SYTL5: variants seen among roughly 807,000 people sequenced by gnomAD.
SYTL5 encodes synaptotagmin-like protein 5.
In SYTL5, 34 loss-of-function variants were observed where a neutral mutation model predicts 55.9. That is an observed-to-expected ratio of 0.61 (90% confidence interval 0.46 to 0.81). The LOEUF is 0.81. Ranked by LOEUF, SYTL5 falls within the 30% of genes least tolerant of loss-of-function variation. The pLI, the probability that SYTL5 is intolerant of heterozygous loss-of-function variation, is 0.00. For missense variants in SYTL5, 637 were observed against 546.7 expected (o/e 1.17, Z -1.65); for synonymous variants, 221 against 188.7 (o/e 1.17, Z -1.40).
At chrX:38,051,064 A>T (rs1489566200) in intron 2 of SYTL5, among the ~76,000 whole-genome samples, 2 of 111,723 alleles carry the variant, frequency 1.8e-5, no homozygotes, top group African/African-American at 6.5e-5. Flanking sequence ...GGGTGATGGA[A>T]TGTGGAGGGA....
chrX:38,054,966 C>G (rs1044788138), intron 3 of SYTL5, among the ~76,000 whole-genome samples: 3 of 111,194 alleles, frequency 2.7e-5, no homozygotes, highest in African/African-American at 9.8e-5. Context: ...ATCCTCCAGC[C>G]TTGGCCTCCC....
Position 38,125,446 on chromosome X carries a change from G to T in SYTL5, c.1990G>T (p.Asp664Tyr). 1 of 1,211,483 alleles carries T rather than the reference G, an allele frequency of 8.3e-7. No individual in the cohort carries two copies. The highest frequency in any genetic ancestry group is 1.1e-6 in the Non-Finnish European group (1 of 895,280). The change falls in exon 16 of 17, where the codon GAC (aspartate) becomes TAC (tyrosine). Residue 664 changes from aspartate to tyrosine, a missense_variant. Transcript: ENST00000297875. ...TGTTTGCCTAGAACTTACTATCTGG[G>T]ACAAGGAGGCCTTTTCCAGCAACAT... ...KNVCLELTIW[D>Y]KEAFSSNIFL...
At chrX:37,904,733 C>T in the SYTL5 span, among the ~76,000 whole-genome samples, 2 of 110,943 alleles carry the variant, frequency 1.8e-5, no homozygotes, top group Non-Finnish European at 3.8e-5. Flanking sequence ...CAACAAAGGG[C>T]GAGTGTTAGG....
chrX:37,938,739 G>T, the SYTL5 span, among the ~76,000 whole-genome samples: 1 of 111,190 alleles, frequency 9.0e-6, no homozygotes, highest in Admixed American at 9.6e-5. Context: ...GCTTTAGACT[G>T]AGCACAACCC....
intron 6 of SYTL5, among the ~76,000 whole-genome samples, chrX:38,079,187 C>G (rs1175572162): frequency 6.3e-5 from 7 of 111,986 alleles, no homozygotes; most frequent in Non-Finnish European, 1.3e-4. Context: ...CCTGACCCAG[C>G]TTACTAATAT....
At chrX:38,072,904 G>A (rs1936302825) in intron 4 of SYTL5, among the ~76,000 whole-genome samples, 1 of 112,020 alleles carries the variant, frequency 8.9e-6, no homozygotes, top group African/African-American at 3.3e-5. Context: ...CTTTCAGCCT[G>A]TTTCTAGGCT....
At chrX:38,057,855 G>GT (rs1935836457) in intron 3 of SYTL5, among the ~76,000 whole-genome samples, 1 of 111,019 alleles carries the variant, frequency 9.0e-6, no homozygotes, top group African/African-American at 3.3e-5. Context: ...AGCTATGTTG[G>GT]TTACCTATAT....
At chrX:37,983,304 A>G in the SYTL5 span, among the ~76,000 whole-genome samples, 63 of 112,312 alleles carry the variant, frequency 5.6e-4, no homozygotes, top group African/African-American at 1.9e-3. Flanking sequence ...CTTTAGATTC[A>G]AAGACAAAAA....
intron 2 of SYTL5, among the ~76,000 whole-genome samples, chrX:38,053,338 ACATTTATCATCT>A (rs1237653406): frequency 1.8e-5 from 2 of 112,873 alleles, no homozygotes; most frequent in African/African-American, 3.2e-5. Flanking sequence ...TGGGAACTTT[ACATTTATCATCT>A]CATTTAATCT....
the SYTL5 span, among the ~76,000 whole-genome samples, chrX:37,973,664 C>T: frequency 2.7e-5 from 3 of 109,782 alleles, no homozygotes; most frequent in African/African-American, 1.0e-4. Flanking sequence ...GACAGAGTCT[C>T]CCCCAGTCGC....
chrX:38,115,803 AG>A (rs1213404504), intron 13 of SYTL5, among the ~76,000 whole-genome samples: 1 of 111,815 alleles, frequency 8.9e-6, no homozygotes, highest in Non-Finnish European at 1.9e-5. Context: ...GAATTGCTTG[AG>A]TTCCTCATGT....
At chrX:38,115,377 G>A (rs1011397382) in intron 13 of SYTL5, among the ~76,000 whole-genome samples, 4 of 101,219 alleles carry the variant, frequency 4.0e-5, no homozygotes, top group Admixed American at 2.1e-4. Context: ...CCAGCTACTC[G>A]GGAGGCTGAG....
At chrX:38,043,684 T>TACATAC (rs1935368015) in intron 2 of SYTL5, among the ~76,000 whole-genome samples, 2 of 72,676 alleles carry the variant, frequency 2.8e-5, no homozygotes, top group Non-Finnish European at 4.6e-5. Context: ...TATATATATA[T>TACATAC]ATATATACAT....
At chrX:38,057,243 C>T (rs188425582) in intron 3 of SYTL5, among the ~76,000 whole-genome samples, 50 of 111,712 alleles carry the variant, frequency 4.5e-4, no homozygotes, top group African/African-American at 1.5e-3. Flanking sequence ...AGAGACTCTC[C>T]TTTCCCCAAT....
the SYTL5 span, among the ~76,000 whole-genome samples, chrX:37,942,061 A>G: frequency 1.8e-5 from 2 of 112,156 alleles, no homozygotes; most frequent in Non-Finnish European, 3.8e-5. Context: ...ATTCTATTGT[A>G]TTATTTGTGA....
chrX:38,076,092 C>T (rs1382929398), intron 5 of SYTL5, among the ~76,000 whole-genome samples: 2 of 111,841 alleles, frequency 1.8e-5, no homozygotes, highest in Admixed American at 9.5e-5. Flanking sequence ...AGCCAGGCAT[C>T]ATTCTAGGCT....
the SYTL5 span, among the ~76,000 whole-genome samples, chrX:37,973,571 T>G: frequency 9.0e-6 from 1 of 111,082 alleles, no homozygotes; most frequent in Non-Finnish European, 1.9e-5. Context: ...CAGTGGTGAG[T>G]ATCATAAAAA....
the SYTL5 span, among the ~76,000 whole-genome samples, chrX:37,903,089 T>G: frequency 2.8e-4 from 31 of 111,128 alleles, no homozygotes; most frequent in African/African-American, 9.9e-4. Context: ...GGAACACTTT[T>G]ACACTGTTGG....
chrX:37,974,646 A>G, the SYTL5 span, among the ~76,000 whole-genome samples: 1 of 112,774 alleles, frequency 8.9e-6, no homozygotes, highest in African/African-American at 3.2e-5. Flanking sequence ...AAATGTGGTA[A>G]AGTGTTAACA....
Sources: gnomAD v4.1 joint callset for allele counts (sites outside exome capture counted in the v4.1 genomes callset) on GRCh38, gnomAD v4.1.1 for gene constraint, MANE v1.5 for transcripts, NCBI Gene and HGNC (gene_info 2026-07-23, HGNC 2026-07-21) for gene names.